AZIN1: variants seen among roughly 807,000 people sequenced by gnomAD.
The protein encoded by AZIN1 is ornithine decarboxylase antizyme inhibitor.
Under a neutral mutation model 47.4 loss-of-function variants are expected in AZIN1, and 12 were observed. The ratio of observed to expected loss-of-function variants is 0.25; its 90% confidence interval spans 0.16 to 0.41. The LOEUF (loss-of-function observed/expected upper bound fraction) is 0.41, where lower values mean the gene tolerates loss of function less well. Among genes scored for constraint, AZIN1 ranks in the 10% least tolerant of loss-of-function variants. AZIN1 has a pLI of 1.00. For missense variants in AZIN1, 410 were observed against 532.4 expected, an observed-to-expected ratio of 0.77 and a Z score of 2.26; for synonymous variants, 155 against 176.3, an observed-to-expected ratio of 0.88 and a Z score of 0.96.
chr8:102,839,026 T>G (rs1812006539), intron 4 of AZIN1, 110 bp from the exon 5 acceptor site: 1 of 973,398 alleles, frequency 1.0e-6, no homozygotes, highest in Non-Finnish European at 1.5e-6. Context: ...GTCTCACTCT[T>G]TGTATTCCAG....
At chr8:102,853,590 T>C (rs1813067059) in intron 2 of AZIN1, among the ~76,000 whole-genome samples, 1 of 152,230 alleles carries the variant, frequency 6.6e-6, no homozygotes, top group African/African-American at 2.4e-5. Context: ...AAGCAAGAAA[T>C]ACCATGTCTC....
chr8:102,832,550 C>A (rs1811526053), intron 9 of AZIN1, among the ~76,000 whole-genome samples: 1 of 152,100 alleles, frequency 6.6e-6, no homozygotes, highest in South Asian at 2.1e-4. Context: ...AATTAATCAT[C>A]TGCTAGACAT....
At chr8:102,844,231 G>A (rs1464184253) in intron 2 of AZIN1, among the ~76,000 whole-genome samples, 1 of 152,170 alleles carries the variant, frequency 6.6e-6, no homozygotes, top group Non-Finnish European at 1.5e-5. Flanking sequence ...TCCTGGCCGG[G>A]CATGGTGGCC....
At chr8:102,849,292 AAAACAAAAACAAG>A (rs1329538910) in intron 2 of AZIN1, among the ~76,000 whole-genome samples, 3 of 152,252 alleles carry the variant, frequency 2.0e-5, no homozygotes, top group East Asian at 3.9e-4. Context: ...ACTCCATCTC[AAAACAAAAACAAG>A]AAACAAAAAC....
intron 6 of AZIN1, chr8:102,835,469 T>C (rs1438146560): frequency 6.6e-6 from 1 of 152,200 alleles, no homozygotes; most frequent in Non-Finnish European, 1.5e-5. Flanking sequence ...CACCTATTTA[T>C]GTACAAAGTA....
chr8:102,841,928 C>A (rs1269587139), intron 3 of AZIN1, among the ~76,000 whole-genome samples: 1 of 151,186 alleles, frequency 6.6e-6, no homozygotes, highest in Non-Finnish European at 1.5e-5. Context: ...CTGGTCAACA[C>A]GGTGAAACCC....
At chr8:102,830,469 A>T (rs1376670547) in intron 9 of AZIN1, among the ~76,000 whole-genome samples, 1 of 151,878 alleles carries the variant, frequency 6.6e-6, no homozygotes, top group East Asian at 1.9e-4. Flanking sequence ...TGCTGTTTCA[A>T]AAAAAGAGGA....
intron 5 of AZIN1, 133 bp from the exon 6 acceptor site, chr8:102,836,523 A>G: frequency 4.2e-6 from 4 of 957,444 alleles, no homozygotes; most frequent in Non-Finnish European, 6.3e-6. Context: ...GAATCAAGTG[A>G]ACCTAATGAA....
chr8:102,836,155 A>G lies in AZIN1; in HGVS notation c.584+101T>C. ...GTGTTAAAAGACTAGAAAAAATTGC[A>G]TCTTAGATTTCATGCAAATAAAGTC... On this transcript the variant is annotated intron_variant, in intron 6 of 11. Transcript: ENST00000337198. 4.6e-6 allele frequency: 6 copies of G among 1,309,420 alleles called. No homozygotes were observed. In the South Asian group the frequency reaches 8.6e-5, roughly 19 times the overall value. The allele number at this position is 1,309,420 out of a possible 1,614,324, so 81.1% of individuals were successfully genotyped here.
chr8:102,852,584 T>TA (rs899754658), intron 2 of AZIN1, among the ~76,000 whole-genome samples: 33 of 150,818 alleles, frequency 2.2e-4, no homozygotes, highest in African/African-American at 6.8e-4. Context: ...AAAATAATAG[T>TA]AAAAAAAAAA....
At chr8:102,853,462 A>G (rs1345395043) in intron 2 of AZIN1, among the ~76,000 whole-genome samples, 1 of 152,232 alleles carries the variant, frequency 6.6e-6, no homozygotes, top group Non-Finnish European at 1.5e-5. Context: ...AAATCGCGCC[A>G]CTGCACTCTA....
intron 2 of AZIN1, among the ~76,000 whole-genome samples, chr8:102,849,632 A>G (rs2131259841): frequency 6.6e-6 from 1 of 152,280 alleles, no homozygotes; most frequent in East Asian, 1.9e-4. Flanking sequence ...TAGACACTAG[A>G]AAGTATTCTC....
chr8:102,833,997 T>G (rs1811651491), intron 8 of AZIN1, among the ~76,000 whole-genome samples, 192 bp downstream of exon 8: 1 of 152,138 alleles, frequency 6.6e-6, no homozygotes, highest in South Asian at 2.1e-4. Context: ...ATGATAATGT[T>G]CAAAGAATTC....
At chr8:102,843,474 A>G in intron 3 of AZIN1, 77 bp downstream of exon 3, 1 of 1,279,334 alleles carries the variant, frequency 7.8e-7, no homozygotes, top group Middle Eastern at 1.9e-4. Context: ...TGATCAGATT[A>G]CCATCTTGGA....
intron 10 of AZIN1, 122 bp from the exon 11 acceptor site, chr8:102,829,608 AAGGGC>A (rs1811309050): frequency 2.0e-6 from 2 of 994,504 alleles, no homozygotes; most frequent in South Asian, 3.2e-5. Context: ...GCCTAGAGCC[AAGGGC>A]AGGGTGCTAC....
chr8:102,838,004 G>C (rs2513898), intron 5 of AZIN1, among the ~76,000 whole-genome samples: 57,145 of 151,926 alleles, frequency 0.38, 11,705 homozygotes, highest in South Asian at 0.46. Flanking sequence ...CTCGATCTTG[G>C]CTCACTGCAG....
At chr8:102,863,626 CCCGCCG>C (rs371296627) in intron 1 of AZIN1, among the ~76,000 whole-genome samples, 175 bp downstream of exon 1, 2 of 147,758 alleles carry the variant, frequency 1.4e-5, no homozygotes, top group Non-Finnish European at 1.5e-5. Context: ...GCCGCCCAGC[CCCGCCG>C]CCGCCGCCGC....
Position 102,833,037 on chromosome 8 carries a change from T to C in AZIN1, c.904+19A>G, listed in dbSNP as rs1176810815. Reference sequence around the variant, plus strand: ...AATTATCTACCAACAAAAATAAAACTATAAACTTTATAACTTACCTCCAGA... The same window carrying C: ...AATTATCTACCAACAAAAATAAAACCATAAACTTTATAACTTACCTCCAGA... On this transcript the variant is annotated intron_variant, in intron 9 of 11. Coordinates refer to ENST00000337198, the MANE Select transcript of AZIN1 (RefSeq NM_148174.4). 1.3e-6 allele frequency: 2 copies of C among 1,579,002 alleles called. No homozygotes were observed. The highest frequency in any genetic ancestry group is 8.7e-7 in the Non-Finnish European group (1 of 1,151,456).
rs761707982 is a variant in AZIN1 at position 102,843,662 on chromosome 8, A to C, written c.-10T>G. ...CAATAAATCCTTTCATCTCAGCCGT[A>C]TTCCACAAAGCCGAAAGTCATAAAC... is the stretch of plus-strand genomic sequence containing the variant. On this transcript the variant is annotated 5_prime_UTR_variant, in exon 3 of 12. Coordinates refer to ENST00000337198, the MANE Select transcript of AZIN1 (RefSeq NM_148174.4). The C allele has an allele frequency of 6.2e-7, 1 of 1,614,030 alleles. No individual in the cohort carries two copies. The highest frequency in any genetic ancestry group is 1.1e-5 in the South Asian group (1 of 91,062).
Sources: allele counts gnomAD v4.1 joint callset (sites outside exome capture counted in the v4.1 genomes callset), GRCh38; gene constraint gnomAD v4.1.1; transcripts MANE v1.5; gene names NCBI Gene and HGNC (gene_info 2026-07-23, HGNC 2026-07-21).